The following LRBA variants were observed in gnomAD, a reference collection of about 807,000 sequenced individuals.
The protein encoded by LRBA is LPS responsive beige-like anchor protein, also known as lipopolysaccharide-responsive and beige-like anchor protein.
In LRBA, 176 loss-of-function variants were observed where a neutral mutation model predicts 330.0. That is an observed-to-expected ratio of 0.53 (90% CI 0.47 to 0.60). The LOEUF is 0.60. Ranked by LOEUF, LRBA falls within the 20% of genes least tolerant of loss-of-function variation. The pLI is 0.00. For missense variants in LRBA, 3,259 were observed against 3,444.8 expected, an observed-to-expected ratio of 0.95 and a Z score of 1.35; for synonymous variants, 1,230 against 1,193.0, an observed-to-expected ratio of 1.03 and a Z score of -0.64.
At chr4:150,463,225 A>G (rs1193222815) in intron 44 of LRBA, among the ~76,000 whole-genome samples, 1 of 151,976 alleles carries the variant, frequency 6.6e-6, no homozygotes, top group African/African-American at 2.4e-5. Flanking sequence ...CCATTGGTTT[A>G]TAGGAAAGGA....
chr4:150,333,758 C>T (rs896044280), intron 48 of LRBA, among the ~76,000 whole-genome samples: 2 of 152,106 alleles, frequency 1.3e-5, no homozygotes, highest in Non-Finnish European at 2.9e-5. Flanking sequence ...TCAACTTTAG[C>T]TTCGATATCA....
intron 50 of LRBA, among the ~76,000 whole-genome samples, chr4:150,320,826 G>A (rs1051724728): frequency 4.6e-5 from 7 of 151,716 alleles, no homozygotes; most frequent in Non-Finnish European, 1.0e-4. Context: ...ACAAAAATTT[G>A]TAAAAACCCA....
rs544354495 is a variant in LRBA, at chr4:150,869,254, T to C, written c.2450-949A>G. 3.3e-5 allele frequency among the ~76,000 whole-genome samples: 5 copies of C among 152,264 alleles called. No homozygotes were observed. In the South Asian group the frequency reaches 1.0e-3, roughly 32 times the overall value. ...AATTTTTAAAGGTGTGAAGATTTTC[T>C]TTCATAATCTTAAAAGTAAAATTAG... On this transcript the variant is annotated intron_variant, in intron 20 of 56. Coordinates refer to ENST00000651943, the MANE Select transcript of LRBA (RefSeq NM_001364905.1).
At chr4:150,863,479 T>C (rs975998572) in intron 22 of LRBA, among the ~76,000 whole-genome samples, 2 of 152,264 alleles carry the variant, frequency 1.3e-5, no homozygotes, top group East Asian at 1.9e-4. Context: ...CTGGCCAATA[T>C]GGCGAAACAC....
At chr4:150,903,791 C>T (rs1164186597) in intron 13 of LRBA, among the ~76,000 whole-genome samples, 1 of 152,162 alleles carries the variant, frequency 6.6e-6, no homozygotes, top group Non-Finnish European at 1.5e-5. Flanking sequence ...CAAGATTACT[C>T]ATATGCTAAT....
rs1181595292 is a variant in LRBA, at chr4:150,761,781, A to T, written c.5645+2T>A. ...AAAATGAATTAAAATAAAATAAATT[A>T]CCTTCCTTCATTGACAAGTTCGATA... is the stretch of plus-strand genomic sequence containing the variant. On this transcript the variant is annotated splice_donor_variant, in intron 35 of 56. Coordinates refer to ENST00000651943, the MANE Select transcript of LRBA (RefSeq NM_001364905.1). LOFTEE classifies it high-confidence loss of function. 1 of 1,524,310 alleles carries T rather than the reference A, an allele frequency of 6.6e-7. No homozygotes were observed. The highest frequency in any genetic ancestry group is 8.9e-7 in the Non-Finnish European group (1 of 1,129,796). The allele number at this position is 1,524,310 out of a possible 1,614,324, so 94.4% of individuals were successfully genotyped here.
rs117072102 is a variant in LRBA at position 150,404,858 on chromosome 4, C to G, written c.7194+10580G>C. ...ATGTAGCATATATTAGAAATAGTAT[C>G]ATTTTATTTTATTTGGCTTGTATCT... is the stretch of plus-strand genomic sequence containing the variant. On this transcript the variant is annotated intron_variant, in intron 47 of 56. Transcript: ENST00000651943. 1.6e-4 allele frequency among the ~76,000 whole-genome samples: 25 copies of G among 152,248 alleles called. No individual in the cohort carries two copies. The East Asian group carries it at 3.9e-3, about 23-fold the overall frequency.
Position 150,818,807 on chromosome 4 carries a change from T to C in LRBA, c.5172-1550A>G, listed in dbSNP as rs1034572356. 2.6e-5 allele frequency among the ~76,000 whole-genome samples: 4 copies of C among 152,046 alleles called. No individual in the cohort carries two copies. The East Asian group carries it at 7.7e-4, about 29-fold the overall frequency. ...ACTCATACTGTAAGTAGGGACTGAA[T>C]TGAGCAATAGAAAAGAATACTTAGA... On this transcript the variant is annotated intron_variant, in intron 30 of 56. Coordinates refer to ENST00000651943, the MANE Select transcript of LRBA (RefSeq NM_001364905.1).
intron 23 of LRBA, among the ~76,000 whole-genome samples, chr4:150,851,543 G>T (rs1429659989): frequency 1.3e-5 from 2 of 152,196 alleles, no homozygotes; most frequent in African/African-American, 4.8e-5. Flanking sequence ...CCTAGAGTTT[G>T]TTGGAAAACT....
At position 150,583,734 on chromosome 4, in the gene LRBA, G is replaced by C. The variant is rs1561387488; in HGVS notation, c.6330+4314C>G. The C allele has an allele frequency of 2.5e-6, 4 of 1,613,622 alleles. No individual in the cohort carries two copies. Among genetic ancestry groups the C allele is most frequent in the Non-Finnish European group, 3.4e-6 (4 of 1,179,822 alleles). On this transcript the variant is annotated intron_variant, in intron 40 of 56. Coordinates refer to ENST00000651943, the MANE Select transcript of LRBA (RefSeq NM_001364905.1). This position sits in a 1 kb window ranked among gnomAD's most constrained non-coding sequence, Gnocchi z 9.8. ...GCGACGCCTGGGTGCTACAGTTCGG[G>C]GAGGCGGAGAACCGCCTGCTGATGG...
At chr4:150,414,312 A>G (rs534972100) in intron 47 of LRBA, among the ~76,000 whole-genome samples, 14 of 152,116 alleles carry the variant, frequency 9.2e-5, no homozygotes, top group Non-Finnish European at 1.5e-4. Flanking sequence ...TTCAATAATA[A>G]TGAGACTGTA....
Position 150,415,566 on chromosome 4 carries a change from G to T in LRBA, c.7066C>A (p.Leu2356Ile), listed in dbSNP as rs771305254. The change falls in exon 47 of 57, where the codon CTC becomes ATC. Residue 2356 changes from leucine (L) to isoleucine (I), a missense_variant. Leu to Ile is a conservative substitution (Grantham distance 5). Transcript: ENST00000651943. ...IKELIPEFYY[L>I]PEMFVNFNNY... ...TTGAAGTTGACAAACATCTCAGGGA[G>T]ATAATAAAATTCAGGGATCAACTCC... 2 of 1,584,838 alleles carry T rather than the reference G, an allele frequency of 1.3e-6. No homozygotes were observed. Among genetic ancestry groups the T allele is most frequent in the Admixed American group, 1.7e-5 (1 of 59,852 alleles).
intron 56 of LRBA, among the ~76,000 whole-genome samples, 191 bp downstream of exon 56, chr4:150,277,661 GA>G (rs200361892): frequency 5.3e-5 from 8 of 151,098 alleles, no homozygotes; most frequent in Admixed American, 3.3e-4. Flanking sequence ...ATACAATTTT[GA>G]AAAAAAAATT....
At chr4:150,711,856 C>G (rs1786249139) in intron 36 of LRBA, among the ~76,000 whole-genome samples, 3 of 152,054 alleles carry the variant, frequency 2.0e-5, no homozygotes, top group Admixed American at 2.0e-4. Flanking sequence ...GGAACAGAGG[C>G]AATAATATCA....
In LRBA at chr4:150,805,285, GAAGGAAAGGAAAGGAAAGGA is replaced by G. The variant is rs70941449; in HGVS notation, c.5518+966_5518+985del. Among the ~76,000 whole-genome samples the G allele has an allele frequency of 6.7e-3, 264 of 39,238 alleles. 5 individuals carry two copies. Among genetic ancestry groups the G allele is most frequent in the African/African-American group, 0.019 (225 of 11,836 alleles). The allele number at this position is 39,238 out of a possible 152,430, so 25.7% of individuals were successfully genotyped here. The stretch of plus-strand genomic sequence containing the variant: ...ACGAGAAGGAAAGGAAAGGAAAGGA[GAAGGAAAGGAAAGGAAAGGA>G]AAGGAAAGGAAAGGAAAGGAAAGGA... On this transcript the variant is annotated intron_variant, in intron 33 of 56. Transcript: ENST00000651943.
rs889860605 is a variant in LRBA at position 150,363,229 on chromosome 4, C to T, written c.7195-13070G>A. Among the ~76,000 whole-genome samples, 11 of 152,188 alleles carry T rather than the reference C, an allele frequency of 7.2e-5. 1 individual carries two copies. Among genetic ancestry groups the T allele is most frequent in the Non-Finnish European group, 1.6e-4 (11 of 68,024 alleles). ...CAGCGCTTCTTATATCTGTAATGTC[C>T]ATTCCATCATCTTACTCCCTGCCTG... On this transcript the variant is annotated intron_variant, in intron 47 of 56. Transcript: ENST00000651943.
intron 47 of LRBA, among the ~76,000 whole-genome samples, chr4:150,368,163 T>C (rs1739744241): frequency 6.6e-6 from 1 of 152,176 alleles, no homozygotes; most frequent in Admixed American, 6.6e-5. Flanking sequence ...TATGCTGCTG[T>C]AGTCCTCCGA....
intron 40 of LRBA, among the ~76,000 whole-genome samples, chr4:150,565,559 C>T (rs1337105432): frequency 6.6e-6 from 1 of 151,908 alleles, no homozygotes; most frequent in African/African-American, 2.4e-5. Context: ...TCATACACAA[C>T]ATTGTAGAAT....
intron 47 of LRBA, among the ~76,000 whole-genome samples, chr4:150,382,972 T>A (rs1742496448): frequency 6.6e-6 from 1 of 152,198 alleles, no homozygotes; most frequent in African/African-American, 2.4e-5. Flanking sequence ...TACTGAAATA[T>A]GCCAAGATTA....
Sources: allele counts gnomAD v4.1 joint callset (sites outside exome capture counted in the v4.1 genomes callset), GRCh38; gene constraint gnomAD v4.1.1; non-coding constraint Gnocchi (gnomAD v3.1); transcripts MANE v1.5; gene names NCBI Gene and HGNC (gene_info 2026-07-23, HGNC 2026-07-21).